LIMA1: variants seen among roughly 807,000 people sequenced by gnomAD.
LIMA1 encodes the protein LIM domain and actin-binding protein 1.
Under a neutral mutation model 62.6 loss-of-function variants are expected in LIMA1, and 52 were observed. The observed-to-expected ratio is 0.83, with a 90% CI of 0.67 to 1.05. The LOEUF (loss-of-function observed/expected upper bound fraction) is 1.05. LIMA1 is among the 50% of genes least tolerant of loss of function. LIMA1 has a pLI of 0.00. For synonymous variants in LIMA1, 302 were observed against 317.8 expected, an observed-to-expected ratio of 0.95 and a Z score of 0.53; for missense variants, 780 against 902.2, an observed-to-expected ratio of 0.86 and a Z score of 1.74.
intron 5 of LIMA1, among the ~76,000 whole-genome samples, chr12:50,204,958 T>C (rs1373456056): frequency 1.3e-5 from 2 of 152,250 alleles, no homozygotes; most frequent in East Asian, 1.9e-4. Flanking sequence ...TTTTATCTAA[T>C]GGCCAATATC....
At chr12:50,222,922 G>T (rs918045017) in intron 3 of LIMA1, among the ~76,000 whole-genome samples, 1 of 151,304 alleles carries the variant, frequency 6.6e-6, no homozygotes, top group African/African-American at 2.4e-5. Context: ...ATTCTGCTGG[G>T]TTTTTTTTTC....
intron 1 of LIMA1, among the ~76,000 whole-genome samples, chr12:50,254,006 C>A (rs939500051): frequency 7.8e-6 from 1 of 128,672 alleles, no homozygotes; most frequent in African/African-American, 3.1e-5. Context: ...CCAGCCTGGG[C>A]GACAGAGCGA....
chr12:50,202,178 A>G (rs1198074345), intron 6 of LIMA1: 1 of 152,236 alleles, frequency 6.6e-6, no homozygotes, highest in East Asian at 1.9e-4. Flanking sequence ...ATATAGCCCA[A>G]CAACTCATTC....
chr12:50,243,072 G>A (rs1299529072), intron 2 of LIMA1, among the ~76,000 whole-genome samples: 2 of 152,188 alleles, frequency 1.3e-5, no homozygotes, highest in African/African-American at 4.8e-5. Flanking sequence ...TCAAATGGAT[G>A]TATCAATAGG....
At position 50,261,043 on chromosome 12, in the gene LIMA1, T is replaced by TA. The variant is rs1491446528; in HGVS notation, c.-23-12270_-23-12269insT. ...TTTTGCTTTTCTGCCATCTAGTATA[T>TA]TTTTTTTTTTTTTTTTTTTTTTTTT... On this transcript the variant is annotated intron_variant, in intron 1 of 10. Transcript: ENST00000341247. Among the ~76,000 whole-genome samples, 78 of 18,518 alleles carry TA rather than the reference T, an allele frequency of 4.2e-3. 1 individual carries two copies. Among genetic ancestry groups the TA allele is most frequent in the African/African-American group, 0.021 (58 of 2,766 alleles). 12.1% of individuals were successfully genotyped at this position (18,518 alleles called of 152,430 possible).
intron 2 of LIMA1, among the ~76,000 whole-genome samples, chr12:50,244,258 G>A (rs550066177): frequency 5.3e-5 from 8 of 151,978 alleles, no homozygotes; most frequent in South Asian, 2.1e-4. Context: ...CATGGGCCAC[G>A]ATGCCCAGCT....
At chr12:50,204,826 C>T in intron 5 of LIMA1, 126 bp from the exon 6 acceptor site, 1 of 827,696 alleles carries the variant, frequency 1.2e-6, no homozygotes, top group Middle Eastern at 3.7e-4. Context: ...CTCAAGATAT[C>T]CTCCCGCCTC....
chr12:50,216,343 C>T (rs1036655443), intron 4 of LIMA1, among the ~76,000 whole-genome samples: 97 of 152,100 alleles, frequency 6.4e-4, no homozygotes, highest in African/African-American at 2.0e-3. Flanking sequence ...GCCTCTTGAG[C>T]AGCTGGGATT....
At chr12:50,210,418 C>CAAAAAAAAAAAA (rs769288381) in intron 4 of LIMA1, among the ~76,000 whole-genome samples, 4 of 90,848 alleles carry the variant, frequency 4.4e-5, no homozygotes, top group African/African-American at 1.2e-4. Flanking sequence ...ACCCCATTTC[C>CAAAAAAAAAAAA]AAAAAAAAAA....
Position 50,248,685 on chromosome 12 carries a change from G to C in LIMA1, c.67C>G (p.Leu23Val), listed in dbSNP as rs754648568. ...GACTTGTTCTTGTTGACAAGAGAAA[G>C]TTCTTTGGCTGTTACCCTCAATGAT... is the stretch of plus-strand genomic sequence containing the variant. ...SLSLRVTAKELSLVNKNKSSA... is the reference protein window; with the variant it reads ...SLSLRVTAKEVSLVNKNKSSA... Residue 23 changes from leucine to valine, a missense_variant, in exon 2 of 11, where the codon CTT (leucine) becomes GTT (valine). Leu to Val is a conservative substitution (Grantham distance 32). Coordinates refer to ENST00000341247, the MANE Select transcript of LIMA1 (RefSeq NM_016357.5). 9.3e-6 allele frequency: 15 copies of C among 1,613,792 alleles called. No individual in the cohort carries two copies. Among genetic ancestry groups the C allele is most frequent in the Admixed American group, 6.7e-5 (4 of 59,992 alleles).
intron 9 of LIMA1, chr12:50,186,888 A>G (rs1940643520): frequency 6.6e-6 from 1 of 152,238 alleles, no homozygotes; most frequent in South Asian, 2.1e-4. Flanking sequence ...AGCATTTTCT[A>G]AATTGTCCTG....
At chr12:50,210,144 C>T (rs1322630710) in intron 4 of LIMA1, among the ~76,000 whole-genome samples, 1 of 151,414 alleles carries the variant, frequency 6.6e-6, no homozygotes, top group Non-Finnish European at 1.5e-5. Flanking sequence ...CAAAAGGGGC[C>T]GGGTGCAGTG....
intron 1 of LIMA1, among the ~76,000 whole-genome samples, chr12:50,249,367 A>G (rs1362431890): frequency 2.0e-5 from 3 of 152,186 alleles, no homozygotes; most frequent in African/African-American, 7.2e-5. Flanking sequence ...AAATAAGGAT[A>G]ATATCTATCT....
At position 50,177,256 on chromosome 12, in the gene LIMA1, T is replaced by C. The variant is rs1262360778; in HGVS notation, c.2088A>G (p.Gln696=). 1 of 1,614,116 alleles carries C rather than the reference T, an allele frequency of 6.2e-7. No homozygotes were observed. The highest frequency in any genetic ancestry group is 1.7e-5 in the Admixed American group (1 of 60,014). ...SDEDDNSFLK[Q]QSPQEPKSLN... ...GAGACTTGGGTTCTTGTGGAGATTGTTGTTTGAGGAAGCTGTTATCATCTT... is the reference window on the plus strand; with the variant it reads ...GAGACTTGGGTTCTTGTGGAGATTGCTGTTTGAGGAAGCTGTTATCATCTT... The change falls in exon 11 of 11, where the codon CAA becomes CAG. Residue 696 remains glutamine (Q), a synonymous_variant. Coordinates refer to ENST00000341247, the MANE Select transcript of LIMA1 (RefSeq NM_016357.5).
intron 1 of LIMA1, among the ~76,000 whole-genome samples, chr12:50,268,645 C>T (rs1942168715): frequency 6.6e-6 from 1 of 150,850 alleles, no homozygotes. Flanking sequence ...TGCTATGTTG[C>T]CCAGGCTCGT....
intron 1 of LIMA1, among the ~76,000 whole-genome samples, chr12:50,263,922 C>G (rs1249157433): frequency 7.2e-6 from 1 of 139,428 alleles, no homozygotes; most frequent in African/African-American, 2.8e-5. Flanking sequence ...TATATATACT[C>G]AAGAGAAATG....
At chr12:50,226,548 A>G (rs113736783) in intron 3 of LIMA1, among the ~76,000 whole-genome samples, 1 of 152,128 alleles carries the variant, frequency 6.6e-6, no homozygotes. Context: ...ACAATAATGA[A>G]AAAAAGATTT....
intron 3 of LIMA1, among the ~76,000 whole-genome samples, chr12:50,229,106 T>C (rs1941572465): frequency 6.6e-6 from 1 of 152,256 alleles, no homozygotes; most frequent in Non-Finnish European, 1.5e-5. Flanking sequence ...GCTACTACTC[T>C]AGTCCAAACC....
At chr12:50,210,905 A>G (rs568301423) in intron 4 of LIMA1, among the ~76,000 whole-genome samples, 4 of 152,360 alleles carry the variant, frequency 2.6e-5, no homozygotes, top group African/African-American at 7.2e-5. Flanking sequence ...TCCCTCATAC[A>G]GACTGTGGCT....
Sources: gnomAD v4.1 joint callset for allele counts (sites outside exome capture counted in the v4.1 genomes callset) on GRCh38, gnomAD v4.1.1 for gene constraint, MANE v1.5 for transcripts, NCBI Gene and HGNC (gene_info 2026-07-23, HGNC 2026-07-21) for gene names.